PRSS33: variants seen among roughly 807,000 people sequenced by gnomAD.
PRSS33 encodes the protein protease, serine 33.
A neutral mutation model predicts 26.7 loss-of-function variants in PRSS33; 32 were observed. The ratio of observed to expected loss-of-function variants is 1.20; its 90% CI spans 0.90 to 1.61. PRSS33 has a LOEUF of 1.61. PRSS33 is among the 40% of genes most tolerant of loss of function. PRSS33 has a pLI of 0.00. For missense variants in PRSS33, 450 were observed against 396.3 expected, an observed-to-expected ratio of 1.14 and a Z score of -1.15; for synonymous variants, 192 against 177.6, an observed-to-expected ratio of 1.08 and a Z score of -0.64.
At chr16:2,787,438 AC>A (rs1272915518) in intron 1 of PRSS33, among the ~76,000 whole-genome samples, 94 bp downstream of exon 1, 2 of 78,752 alleles carry the variant, frequency 2.5e-5, no homozygotes, top group African/African-American at 5.0e-5. Context: ...CCTCATCCTC[AC>A]CCCCTCCCCC....
chr16:2,786,424 G>A lies in PRSS33; in HGVS notation c.46+78C>T, dbSNP rs1293791320. 7 of 1,551,852 alleles carry A rather than the reference G, an allele frequency of 4.5e-6. No individual in the cohort carries two copies. In the Admixed American group the frequency reaches 5.2e-5, roughly 11 times the overall value. On this transcript the variant is annotated intron_variant, in intron 2 of 6. Transcript: ENST00000682474. ...GCCCAAGAGTGCTCCAGGGAGCCCG[G>A]CCCAGGGAGCAGTGAGATGGGAGAA...
Position 2,784,620 on chromosome 16 carries a change from C to G in PRSS33, c.*24G>C. The G allele has an allele frequency of 6.4e-7, 1 of 1,553,828 alleles. No homozygotes were observed. Among genetic ancestry groups the G allele is most frequent in the Non-Finnish European group, 8.7e-7 (1 of 1,145,946 alleles). ...GGCTGAGGGACCCCAGCAGCTGGCT[C>G]CAGGTCAGCCTCACCGGCTAGCATT... is the stretch of plus-strand genomic sequence containing the variant. On this transcript the variant is annotated 3_prime_UTR_variant, in exon 7 of 7. Transcript: ENST00000682474.
chr16:2,787,688 A>C (rs1273521647), upstream of PRSS33, among the ~76,000 whole-genome samples: 1 of 151,844 alleles, frequency 6.6e-6, no homozygotes, highest in Non-Finnish European at 1.5e-5. Context: ...TGCTTTGAGC[A>C]GAGCTTCAGA....
intron 1 of PRSS33, 186 bp from the exon 2 acceptor site, chr16:2,786,790 C>CTGGG (rs2068878722): frequency 2.1e-6 from 1 of 468,382 alleles, no homozygotes; most frequent in Non-Finnish European, 3.8e-6. Context: ...CACCCACCAC[C>CTGGG]CAGATATTTG....
rs1220823626 is a variant in PRSS33, at chr16:2,784,747, C to G, written c.740G>C (p.Gly247Ala). The G allele has an allele frequency of 1.9e-6, 3 of 1,608,188 alleles. No individual in the cohort carries two copies. Among genetic ancestry groups the G allele is most frequent in the Non-Finnish European group, 1.7e-6 (2 of 1,177,620 alleles). Residue 247 changes from glycine (G) to alanine (A), a missense_variant, in exon 7 of 7, where the codon GGC becomes GCC. Physicochemically the swap from Gly to Ala is moderately conservative, Grantham distance 60 (BLOSUM62 0). Transcript: ENST00000682474. The stretch of plus-strand genomic sequence containing the variant: ...ACAACCCTTGCCCCAGCTCACCACG[C>G]CCACCAGGACCCAGCTCCCAGACTG... ...CLQSGSWVLVGVVSWGKGCAL... is the reference protein window; with the variant it reads ...CLQSGSWVLVAVVSWGKGCAL...
intron 1 of PRSS33, 64 bp from the exon 2 acceptor site, chr16:2,786,668 C>T (rs887016843): frequency 9.2e-6 from 10 of 1,092,084 alleles, no homozygotes; most frequent in South Asian, 2.9e-5. Flanking sequence ...CACACCAGCC[C>T]GTCACCCCCT....
At position 2,785,977 on chromosome 16, in the gene PRSS33, G is replaced by C. The variant is rs1201051927; in HGVS notation, c.80-16C>G. On this transcript the variant is annotated splice_polypyrimidine_tract_variant and intron_variant, in intron 3 of 6. Coordinates refer to ENST00000682474, the MANE Select transcript of PRSS33 (RefSeq NM_152891.3). ...TGCCCGCAGGCTAGAAAAGGACCAG[G>C]GGCGGTGAGGGTTGGCTGAGGACCT... 3.1e-6 allele frequency: 5 copies of C among 1,613,038 alleles called. No homozygotes were observed. Among genetic ancestry groups the C allele is most frequent in the Non-Finnish European group, 4.2e-6 (5 of 1,179,952 alleles).
chr16:2,784,784 G>A lies in PRSS33; in HGVS notation c.703C>T (p.Leu235=), dbSNP rs1244406529. 1.2e-6 allele frequency: 2 copies of A among 1,608,272 alleles called. No homozygotes were observed. Among genetic ancestry groups the A allele is most frequent in the South Asian group, 1.1e-5 (1 of 89,974 alleles). ...CAGCTCCCAGACTGCAGGCAGGTCA[G>A]AGGTCCCCCAGAATCACCCTGCAGG... is the stretch of plus-strand genomic sequence containing the variant. ...DACQGDSGGP[L]TCLQSGSWVL... Residue 235 remains leucine, a synonymous_variant, in exon 7 of 7, where the codon CTG becomes TTG. Transcript: ENST00000682474.
chr16:2,787,302 TCACTCCTCTCTCA>T, intron 1 of PRSS33, among the ~76,000 whole-genome samples: 1 of 4,848 alleles, frequency 2.1e-4, no homozygotes, highest in Non-Finnish European at 5.5e-4. Context: ...TCCCTCATCC[TCACTCCTCTCTCA>T]TCACCCCTCC....
At position 2,785,854 on chromosome 16, in the gene PRSS33, C is replaced by T. The variant is rs750887197; in HGVS notation, c.187G>A (p.Gly63Arg). ...CACTGGGGGGCGATGAGCGACCCCC[C>T]GCACACGTGTGCCCCACGATGCTGG... ...SIQHRGAHVC[G>R]GSLIAPQWVL... The change falls in exon 4 of 7, where the codon GGG becomes AGG. Residue 63 changes from glycine (G) to arginine (R), a missense_variant. By Grantham distance (125) the Gly-to-Arg change is moderately radical. Coordinates refer to ENST00000682474, the MANE Select transcript of PRSS33 (RefSeq NM_152891.3). The T allele has an allele frequency of 5.0e-6, 8 of 1,608,502 alleles. No individual in the cohort carries two copies. The Admixed American group carries it at 6.7e-5, about 13-fold the overall frequency.
rs752701919 is a variant in PRSS33 at position 2,786,105 on chromosome 16, C to A, written c.63G>T (p.Gln21His). The change falls in exon 3 of 7, where the codon CAG (glutamine) becomes CAT (histidine). Residue 21 changes from glutamine to histidine, a missense_variant. Gln to His is a conservative substitution (Grantham distance 24). Transcript: ENST00000682474. Reference protein sequence around the residue: ...LLLVLGAAGTQGRKSAACGQP... With the variant: ...LLLVLGAAGTHGRKSAACGQP... ...CTTCCTCACCTGCAGACTTCCTTCC[C>A]TGAGTCCCAGCAGCTCCTGGAGGAG... 8.1e-6 allele frequency: 13 copies of A among 1,613,520 alleles called. No homozygotes were observed. The highest frequency in any genetic ancestry group is 1.1e-5 in the South Asian group (1 of 91,092).
In PRSS33 at chr16:2,784,635, C is replaced by T. The variant is rs181935518; in HGVS notation, c.*9G>A. ...GCAGCTGGCTCCAGGTCAGCCTCAC[C>T]GGCTAGCATTAGAAGCTGACGCGAG... On this transcript the variant is annotated 3_prime_UTR_variant, in exon 7 of 7. Transcript: ENST00000682474. The T allele has an allele frequency of 7.1e-5, 112 of 1,577,156 alleles. 3 individuals are homozygous for T. In the East Asian group the frequency reaches 1.1e-3, roughly 15 times the overall value.
At chr16:2,787,277 T>C (rs116213496) in intron 1 of PRSS33, among the ~76,000 whole-genome samples, 46 of 1,544 alleles carry the variant, frequency 0.03, no homozygotes, top group African/African-American at 0.06. Context: ...ACCCCCTCCC[T>C]CATCCTTCAC....
chr16:2,785,892 C>A lies in PRSS33; in HGVS notation c.149G>T (p.Trp50Leu), dbSNP rs200833297. ...CCCACGATGCTGGATGCTCGCCTGCCACGGCCACTCTCCGTCCCGGCCATC... is the reference window on the plus strand; with the variant it reads ...CCCACGATGCTGGATGCTCGCCTGCAACGGCCACTCTCCGTCCCGGCCATC... ...GRDGRDGEWP[W>L]QASIQHRGAH... Residue 50 changes from tryptophan (W) to leucine (L), a missense_variant, in exon 4 of 7, where the codon TGG becomes TTG. Physicochemically the swap from Trp to Leu is moderately conservative, Grantham distance 61. Transcript: ENST00000682474. 520 of 1,611,174 alleles carry A rather than the reference C, an allele frequency of 3.2e-4. No individual in the cohort carries two copies. Among genetic ancestry groups the A allele is most frequent in the Non-Finnish European group, 4.1e-4 (478 of 1,179,428 alleles).
chr16:2,785,659 A>G lies in PRSS33; in HGVS notation c.243-13T>C. The stretch of plus-strand genomic sequence containing the variant: ...TGGCAGTGCCCTCCTGCAGGACAGG[A>G]GCGGGGGACTACTTCCAGCACCGGG... On this transcript the variant is annotated splice_polypyrimidine_tract_variant and intron_variant, in intron 4 of 6. Transcript: ENST00000682474. 6.8e-7 allele frequency: 1 copy of G among 1,475,908 alleles called. No individual in the cohort carries two copies. The allele number at this position is 1,475,908 out of a possible 1,614,324, so 91.4% of individuals were successfully genotyped here.
At chr16:2,785,271 G>T (rs778240819) in intron 5 of PRSS33, 100 bp from the exon 6 acceptor site, 1 of 1,447,936 alleles carries the variant, frequency 6.9e-7, no homozygotes, top group East Asian at 2.4e-5. Flanking sequence ...CCTAGAAGCC[G>T]CGCTGGGTCC....
At position 2,784,655 on chromosome 16, in the gene PRSS33, C is replaced by G. The variant is rs186640650; in HGVS notation, c.832G>C (p.Val278Leu). 1 of 1,595,546 alleles carries G rather than the reference C, an allele frequency of 6.3e-7. No individual in the cohort carries two copies. Among genetic ancestry groups the G allele is most frequent in the African/African-American group, 1.3e-5 (1 of 74,488 alleles). The change falls in exon 7 of 7, where the codon GTC (valine) becomes CTC (leucine). Residue 278 changes from valine (V) to leucine (L), a missense_variant. Transcript: ENST00000682474. ...CTCACCGGCTAGCATTAGAAGCTGA[C>G]GCGAGCCTGAATCCAGGGGCTATAT... is the stretch of plus-strand genomic sequence containing the variant. ...ATYSPWIQAR[V>L]SF is the part of the protein sequence containing the mutation.
At chr16:2,787,016 C>G (rs2150790826) in intron 1 of PRSS33, among the ~76,000 whole-genome samples, 1 of 70,744 alleles carries the variant, frequency 1.4e-5, no homozygotes. Flanking sequence ...CTCACCCCCT[C>G]CCTCATCCTC....
At chr16:2,785,713 C>T in intron 4 of PRSS33, 67 bp from the exon 5 acceptor site, 1 of 1,475,110 alleles carries the variant, frequency 6.8e-7, no homozygotes, top group Non-Finnish European at 8.9e-7. Context: ...CCGCCTCGAC[C>T]CCAACGCCTC....
Sources: gnomAD v4.1 joint callset for allele counts (sites outside exome capture counted in the v4.1 genomes callset) on GRCh38, gnomAD v4.1.1 for gene constraint, MANE v1.5 for transcripts, NCBI Gene and HGNC (gene_info 2026-07-23, HGNC 2026-07-21) for gene names.